Variants in TPD52 observed in about 807,000 individuals in gnomAD.
TPD52 encodes prostate and colon associated protein.
A neutral mutation model predicts 31.3 loss-of-function variants in TPD52; 17 were observed. The ratio of observed to expected loss-of-function variants is 0.54; its 90% CI spans 0.37 to 0.82. The LOEUF is 0.82. TPD52 is among the 40% of genes least tolerant of loss of function. The pLI is 0.00. For missense variants in TPD52, 212 were observed against 240.1 expected (o/e 0.88, Z 0.77); for synonymous variants, 83 against 89.6 (o/e 0.93, Z 0.42).
intron 1 of TPD52, among the ~76,000 whole-genome samples, chr8:80,097,745 A>G (rs915635508): frequency 2.0e-5 from 3 of 152,226 alleles, no homozygotes; most frequent in African/African-American, 7.2e-5. Flanking sequence ...ACAGCAATGC[A>G]AGAACAAACT....
Position 80,053,387 on chromosome 8 carries a change from T to G in TPD52, c.179A>C (p.Lys60Thr). 6.2e-7 allele frequency: 1 copy of G among 1,613,760 alleles called. No individual in the cohort carries two copies. Among genetic ancestry groups the G allele is most frequent in the Non-Finnish European group, 8.5e-7 (1 of 1,179,742 alleles). ...IQTLSQVLAAKEKHLAEIKRK... is the reference protein window; with the variant it reads ...IQTLSQVLAATEKHLAEIKRK... ...CTTGATCTCTGCTAGATGCTTCTCT[T>G]TTGCTGCTAACACTTGAGACAGAGT... Residue 60 changes from lysine (K) to threonine (T), a missense_variant, in exon 3 of 8, where the codon AAA becomes ACA. Transcript: ENST00000518937.
Position 80,056,034 on chromosome 8 carries a change from T to C in TPD52, c.136-2604A>G, listed in dbSNP as rs1586173531. Among the ~76,000 whole-genome samples the C allele has an allele frequency of 4.6e-5, 7 of 152,282 alleles. 1 individual carries two copies. The highest frequency in any genetic ancestry group is 4.6e-4 in the Admixed American group (7 of 15,286). On this transcript the variant is annotated intron_variant, in intron 2 of 7. Transcript: ENST00000518937. Reference sequence around the variant, plus strand: ...CCACATAATCCAGCAATCCCACTACTGGGTTACTTATCCAAAGGAAAGGAA... The same window carrying C: ...CCACATAATCCAGCAATCCCACTACCGGGTTACTTATCCAAAGGAAAGGAA...
intron 1 of TPD52, among the ~76,000 whole-genome samples, chr8:80,092,452 A>C (rs986865799): frequency 6.6e-6 from 1 of 152,238 alleles, no homozygotes; most frequent in Non-Finnish European, 1.5e-5. Context: ...TAAAGAAATC[A>C]GATGTCAAGG....
chr8:80,153,329 T>C (rs1277748757), intron 1 of TPD52, among the ~76,000 whole-genome samples: 2 of 152,162 alleles, frequency 1.3e-5, no homozygotes, highest in Non-Finnish European at 2.9e-5. Context: ...TTGGCTTCCC[T>C]TGGAATAAGC....
intron 1 of TPD52, among the ~76,000 whole-genome samples, chr8:80,167,704 T>G (rs1811807278): frequency 6.6e-6 from 1 of 152,236 alleles, no homozygotes; most frequent in Non-Finnish European, 1.5e-5. Context: ...AAGGCACAAT[T>G]ACAATGTTAA....
At chr8:80,069,883 A>G (rs1458553858) in intron 1 of TPD52, among the ~76,000 whole-genome samples, 2 of 152,186 alleles carry the variant, frequency 1.3e-5, no homozygotes, top group East Asian at 3.9e-4. Flanking sequence ...AGAGTGGCCA[A>G]GAACCGGTAA....
chr8:80,078,059 T>C (rs769341121), intron 1 of TPD52, among the ~76,000 whole-genome samples: 5 of 152,196 alleles, frequency 3.3e-5, no homozygotes, highest in Non-Finnish European at 2.9e-5. Context: ...GGATTGCAGG[T>C]AAGGAGGTAT....
intron 1 of TPD52, among the ~76,000 whole-genome samples, chr8:80,165,735 A>G (rs2131276452): frequency 1.3e-5 from 2 of 152,310 alleles, no homozygotes; most frequent in South Asian, 4.1e-4. Context: ...TATATAATCG[A>G]TCAGGCCAAG....
intron 1 of TPD52, among the ~76,000 whole-genome samples, chr8:80,102,533 C>G (rs1340808393): frequency 6.6e-6 from 1 of 152,304 alleles, no homozygotes; most frequent in East Asian, 1.9e-4. Flanking sequence ...ACAAACCATG[C>G]TGGAGGCTGG....
downstream of TPD52, among the ~76,000 whole-genome samples, chr8:80,033,870 G>A (rs773677708): frequency 2.0e-5 from 3 of 152,058 alleles, no homozygotes; most frequent in East Asian, 3.9e-4. Context: ...CCGATTAGCC[G>A]AAATGCATTA....
chr8:80,168,862 T>C (rs1811883195), intron 1 of TPD52, among the ~76,000 whole-genome samples: 1 of 152,242 alleles, frequency 6.6e-6, no homozygotes, highest in East Asian at 1.9e-4. Flanking sequence ...GACACTTTCC[T>C]CACTCATCTT....
At chr8:80,094,099 T>C (rs965413654) in intron 1 of TPD52, among the ~76,000 whole-genome samples, 7 of 152,094 alleles carry the variant, frequency 4.6e-5, no homozygotes, top group Admixed American at 3.9e-4. Flanking sequence ...TTTATCAAAA[T>C]AGGCATATAA....
chr8:80,098,488 A>C (rs1359227922), intron 1 of TPD52, among the ~76,000 whole-genome samples: 1 of 152,198 alleles, frequency 6.6e-6, no homozygotes, highest in East Asian at 1.9e-4. Context: ...TGAGAGGCTT[A>C]AGACTTCAGT....
In TPD52 at chr8:80,168,267, T is replaced by G. The variant is rs898914890; in HGVS notation, c.19+3158A>C. 2.0e-5 allele frequency among the ~76,000 whole-genome samples: 3 copies of G among 152,178 alleles called. No homozygotes were observed. The East Asian group carries it at 5.8e-4, about 29-fold the overall frequency. ...AAAACTCAGTGTTTATTTTAAAAAT[T>G]TACAGCTCTGTTAAGTACAATCAGT... On this transcript the variant is annotated intron_variant, in intron 1 of 7. Coordinates refer to ENST00000518937, the MANE Select transcript of TPD52 (RefSeq NM_001025253.3).
At chr8:80,077,892 A>G (rs1460497261) in intron 1 of TPD52, among the ~76,000 whole-genome samples, 1 of 152,256 alleles carries the variant, frequency 6.6e-6, no homozygotes, top group Admixed American at 6.5e-5. Context: ...TTTTCACACT[A>G]TGGGTTGTAA....
intron 1 of TPD52, among the ~76,000 whole-genome samples, chr8:80,163,654 G>A (rs561986280): frequency 6.6e-6 from 1 of 152,290 alleles, no homozygotes; most frequent in African/African-American, 2.4e-5. Flanking sequence ...GGCATTGACA[G>A]TTATGTTTTC....
At chr8:80,074,594 T>G (rs1055102257) in intron 1 of TPD52, among the ~76,000 whole-genome samples, 6 of 152,194 alleles carry the variant, frequency 3.9e-5, no homozygotes, top group Non-Finnish European at 5.9e-5. Context: ...ACTCACCAGA[T>G]GTCAGTAGCA....
At chr8:80,087,644 G>A (rs184434941) in intron 1 of TPD52, among the ~76,000 whole-genome samples, 103 of 152,246 alleles carry the variant, frequency 6.8e-4, no homozygotes, top group African/African-American at 2.5e-3. Context: ...GGCACATACC[G>A]GCTCCAGGCC....
chr8:80,146,895 ATATAG>A lies in TPD52; in HGVS notation c.19+24525_19+24529del, dbSNP rs1192887968. Among the ~76,000 whole-genome samples the A allele has an allele frequency of 8.5e-5, 13 of 152,326 alleles. No homozygotes were observed. In the East Asian group the frequency reaches 2.5e-3, roughly 29 times the overall value. On this transcript the variant is annotated intron_variant, in intron 1 of 7. Coordinates refer to ENST00000518937, the MANE Select transcript of TPD52 (RefSeq NM_001025253.3). ...GGCACACACAAAAAAATCCCATGCTATATAGCATTCCCAAATGTGGTCCCTGAACC... is the reference window on the plus strand; with the variant it reads ...GGCACACACAAAAAAATCCCATGCTACATTCCCAAATGTGGTCCCTGAACC...
Sources: gnomAD v4.1 joint callset for allele counts (sites outside exome capture counted in the v4.1 genomes callset) on GRCh38, gnomAD v4.1.1 for gene constraint, MANE v1.5 for transcripts, NCBI Gene and HGNC (gene_info 2026-07-23, HGNC 2026-07-21) for gene names.